RANBP10: variants seen among roughly 807,000 people sequenced by gnomAD.
RANBP10 encodes the protein RAN binding protein 10, also known as ran-binding protein 10.
Under a neutral mutation model 72.8 loss-of-function variants are expected in RANBP10, and 24 were observed. The ratio of observed to expected loss-of-function variants is 0.33; its 90% CI spans 0.24 to 0.46. The LOEUF is 0.46. RANBP10 is among the 20% of genes least tolerant of loss of function. RANBP10 has a pLI of 1.00. For synonymous variants in RANBP10, 310 were observed against 322.3 expected (o/e 0.96, Z 0.41); for missense variants, 679 against 817.5 (o/e 0.83, Z 2.07).
At chr16:67,737,477 C>T (rs1000600714) in intron 5 of RANBP10, among the ~76,000 whole-genome samples, 2 of 151,870 alleles carry the variant, frequency 1.3e-5, no homozygotes, top group East Asian at 1.9e-4. Flanking sequence ...GCTGGGATTA[C>T]AGGTGTGAGC....
intron 10 of RANBP10, among the ~76,000 whole-genome samples, chr16:67,728,823 C>T (rs147077359): frequency 2.0e-4 from 31 of 152,366 alleles, no homozygotes; most frequent in African/African-American, 7.5e-4. Flanking sequence ...GGCCCCATGG[C>T]CCCCATGGGC....
intron 2 of RANBP10, among the ~76,000 whole-genome samples, chr16:67,791,016 C>CTT (rs919159741): frequency 1.7e-5 from 2 of 119,498 alleles, no homozygotes; most frequent in Non-Finnish European, 3.5e-5. Flanking sequence ...CAATTTATTT[C>CTT]TTTTTTTTTT....
At chr16:67,799,533 C>T (rs979905638) in intron 2 of RANBP10, among the ~76,000 whole-genome samples, 3 of 152,088 alleles carry the variant, frequency 2.0e-5, no homozygotes, top group Non-Finnish European at 4.4e-5. Flanking sequence ...GTGATCCGCC[C>T]GCCTTGGCCT....
chr16:67,727,537 G>A (rs906100524), intron 12 of RANBP10, 99 bp from the exon 13 acceptor site: 5 of 1,346,194 alleles, frequency 3.7e-6, no homozygotes, highest in African/African-American at 2.9e-5. Context: ...ATGATGCCCA[G>A]CCTGGAATGT....
chr16:67,798,892 A>G (rs1274927549), intron 2 of RANBP10, among the ~76,000 whole-genome samples: 1 of 152,048 alleles, frequency 6.6e-6, no homozygotes, highest in East Asian at 1.9e-4. Context: ...CTCAAGATAC[A>G]GCCCACGCTC....
At chr16:67,800,870 T>C (rs2055223696) in intron 2 of RANBP10, among the ~76,000 whole-genome samples, 2 of 152,130 alleles carry the variant, frequency 1.3e-5, no homozygotes, top group South Asian at 4.1e-4. Context: ...TACTCATTCC[T>C]CCCAACTGTT....
In RANBP10 at chr16:67,799,640, C is replaced by T. The variant is rs190185875; in HGVS notation, c.347+5788G>A. On this transcript the variant is annotated intron_variant, in intron 2 of 13. Coordinates refer to ENST00000317506, the MANE Select transcript of RANBP10 (RefSeq NM_020850.3). Reference sequence around the variant, plus strand: ...TTCTGCCTGAAGCATCTGCTTCTCACTTTGTTCACCTAGAACACTCTAACT... The same window carrying T: ...TTCTGCCTGAAGCATCTGCTTCTCATTTTGTTCACCTAGAACACTCTAACT... Among the ~76,000 whole-genome samples, 8 of 152,238 alleles carry T rather than the reference C, an allele frequency of 5.3e-5. No individual in the cohort carries two copies. The East Asian group carries it at 1.4e-3, about 26-fold the overall frequency.
In RANBP10 at chr16:67,744,416, C is replaced by A; in HGVS notation, c.440G>T (p.Gly147Val). ...KHSYGYHGDD[G>V]HSFCSSGTGQ... ...AGTCCCCGAGGAGCAGAACGAATGC[C>A]CATCATCACCATGGTAACCATAGGA... is the stretch of plus-strand genomic sequence containing the variant. Residue 147 changes from glycine (G) to valine (V), a missense_variant, in exon 4 of 14, where the codon GGG (glycine) becomes GTG (valine). By Grantham distance (109) the Gly-to-Val change is moderately radical. Transcript: ENST00000317506. 1 of 1,614,144 alleles carries A rather than the reference C, an allele frequency of 6.2e-7. No homozygotes were observed.
chr16:67,795,565 T>C (rs780107695), intron 2 of RANBP10, among the ~76,000 whole-genome samples: 44 of 147,104 alleles, frequency 3.0e-4, no homozygotes, highest in Non-Finnish European at 7.5e-5. Context: ...ATAAAATAAT[T>C]TTTTAAAAAT....
At position 67,729,369 on chromosome 16, in the gene RANBP10, AGAGGAC is replaced by A. The variant is rs1477500715; in HGVS notation, c.1257_1262del (p.Ser421_Ser422del). 1 of 1,611,896 alleles carries A rather than the reference AGAGGAC, an allele frequency of 6.2e-7. No homozygotes were observed. The highest frequency in any genetic ancestry group is 8.5e-7 in the Non-Finnish European group (1 of 1,179,258). ...CGGAGTAATTGACGGAGGATGGGGA[AGAGGAC>A]GAGGAGGAGGAGGAGGACGAGGATG... On this transcript the variant is annotated inframe_deletion, in exon 10 of 14. Transcript: ENST00000317506. This position sits in a 1 kb window ranked among gnomAD's most constrained non-coding sequence, Gnocchi z 7.1.
At chr16:67,769,745 CAAAAAAAAAAAAAAA>C (rs58319144) in intron 3 of RANBP10, among the ~76,000 whole-genome samples, 9 of 27,726 alleles carry the variant, frequency 3.2e-4, no homozygotes, top group South Asian at 2.8e-3. Flanking sequence ...GACTCCGTCT[CAAAAAAAAAAAAAAA>C]AAAAAAAAAA....
intron 6 of RANBP10, among the ~76,000 whole-genome samples, chr16:67,732,986 G>A (rs1420510867): frequency 2.7e-5 from 4 of 149,934 alleles, no homozygotes; most frequent in South Asian, 2.1e-4. Flanking sequence ...CCCAGGAGGC[G>A]GAGCTTGCAG....
At chr16:67,737,877 C>T (rs531043070) in intron 5 of RANBP10, 136 bp downstream of exon 5, 3 of 1,213,540 alleles carry the variant, frequency 2.5e-6, no homozygotes, top group East Asian at 2.6e-5. Context: ...CTGGTACCCT[C>T]AAGCTGACAG....
Position 67,793,994 on chromosome 16 carries a change from C to T in RANBP10, c.347+11434G>A, listed in dbSNP as rs1337373041. 3.9e-5 allele frequency among the ~76,000 whole-genome samples: 6 copies of T among 152,252 alleles called. No individual in the cohort carries two copies. In the East Asian group the frequency reaches 1.2e-3, roughly 29 times the overall value. On this transcript the variant is annotated intron_variant, in intron 2 of 13. Transcript: ENST00000317506. Reference sequence around the variant, plus strand: ...TCCTGGTTTCAAGCAATCCTCCTGCCTCAGCCTCCCAAGTAGCTAGGTCTA... The same window carrying T: ...TCCTGGTTTCAAGCAATCCTCCTGCTTCAGCCTCCCAAGTAGCTAGGTCTA...
chr16:67,800,052 C>T (rs1360738976), intron 2 of RANBP10, among the ~76,000 whole-genome samples: 1 of 151,856 alleles, frequency 6.6e-6, no homozygotes, highest in Admixed American at 6.6e-5. Flanking sequence ...ACCCAGGAGG[C>T]GGAGGTTTGC....
intron 3 of RANBP10, among the ~76,000 whole-genome samples, chr16:67,763,889 G>T (rs2054447569): frequency 6.6e-6 from 1 of 152,154 alleles, no homozygotes; most frequent in Non-Finnish European, 1.5e-5. Flanking sequence ...AAGAGACAGG[G>T]TTTCACCATG....
intron 2 of RANBP10, among the ~76,000 whole-genome samples, chr16:67,781,104 G>C (rs910744033): frequency 1.3e-5 from 2 of 152,220 alleles, no homozygotes; most frequent in African/African-American, 4.8e-5. Context: ...CCATTCAACA[G>C]GATCAGACAA....
At position 67,806,414 on chromosome 16, in the gene RANBP10, G is replaced by A. The variant is rs2055444171; in HGVS notation, c.123C>T (p.Arg41=). ...CTTGCTGGTTGACCGCGGGATACAG[G>A]CGCTGCAAGCGCCGGCTCAGCTCCT... ...GEQELSRRLQ[R]LYPAVNQQET... Residue 41 remains arginine, a synonymous_variant, in exon 1 of 14, where the codon CGC becomes CGT. Coordinates refer to ENST00000317506, the MANE Select transcript of RANBP10 (RefSeq NM_020850.3). 1.2e-6 allele frequency: 2 copies of A among 1,602,658 alleles called. No individual in the cohort carries two copies. Among genetic ancestry groups the A allele is most frequent in the Non-Finnish European group, 1.7e-6 (2 of 1,175,272 alleles).
intron 2 of RANBP10, among the ~76,000 whole-genome samples, chr16:67,803,797 C>T (rs2055279656): frequency 1.4e-5 from 2 of 142,524 alleles, no homozygotes; most frequent in Admixed American, 1.5e-4. Flanking sequence ...CACTGCACTT[C>T]AGCGTGGGAG....
Sources: gnomAD v4.1 joint callset for allele counts (sites outside exome capture counted in the v4.1 genomes callset) on GRCh38, gnomAD v4.1.1 for gene constraint, Gnocchi (gnomAD v3.1) non-coding constraint, MANE v1.5 for transcripts, NCBI Gene and HGNC (gene_info 2026-07-23, HGNC 2026-07-21) for gene names.